ADGRV1: variants seen among roughly 807,000 people sequenced by gnomAD.
ADGRV1 encodes G-protein coupled receptor 98.
Under a neutral mutation model 596.2 loss-of-function variants are expected in ADGRV1, and 359 were observed. That is an observed-to-expected ratio of 0.60 (90% CI 0.55 to 0.66). The LOEUF (loss-of-function observed/expected upper bound fraction) is 0.66. Among genes scored for constraint, ADGRV1 ranks in the 30% least tolerant of loss-of-function variants. The pLI is 0.00. For synonymous variants in ADGRV1, 2,681 were observed against 2,679.2 expected, an observed-to-expected ratio of 1.00 and a Z score of -0.02; for missense variants, 7,274 against 7,575.6, an observed-to-expected ratio of 0.96 and a Z score of 1.48.
intron 50 of ADGRV1, among the ~76,000 whole-genome samples, chr5:90,739,718 T>A (rs1447060033): frequency 6.6e-6 from 1 of 152,196 alleles, no homozygotes; most frequent in African/African-American, 2.4e-5. Flanking sequence ...GGGATCTATA[T>A]CTGCACAGGG....
At chr5:90,920,831 C>T (rs922792334) in intron 83 of ADGRV1, among the ~76,000 whole-genome samples, 3 of 152,182 alleles carry the variant, frequency 2.0e-5, no homozygotes, top group African/African-American at 7.2e-5. Flanking sequence ...TAAAATTCCT[C>T]TTCTAAATGT....
intron 34 of ADGRV1, among the ~76,000 whole-genome samples, chr5:90,703,353 T>C (rs1748155179): frequency 6.6e-6 from 1 of 152,126 alleles, no homozygotes; most frequent in African/African-American, 2.4e-5. Flanking sequence ...TTTTCTTTAA[T>C]TTACAGAACA....
At chr5:90,952,041 C>T (rs1777103569) in intron 83 of ADGRV1, among the ~76,000 whole-genome samples, 1 of 152,170 alleles carries the variant, frequency 6.6e-6, no homozygotes, top group African/African-American at 2.4e-5. Context: ...ACTGGAATTT[C>T]TACAGATGTA....
At chr5:90,748,817 T>TTG in intron 52 of ADGRV1, among the ~76,000 whole-genome samples, 2 of 151,220 alleles carry the variant, frequency 1.3e-5, no homozygotes, top group South Asian at 4.2e-4. Context: ...CATCAAGTTT[T>TTG]TTTTTGTTTT....
chr5:90,975,848 TATA>T (rs1779524764), intron 84 of ADGRV1, among the ~76,000 whole-genome samples: 1 of 114,204 alleles, frequency 8.8e-6, no homozygotes, highest in Non-Finnish European at 1.7e-5. Flanking sequence ...AACTTAAAAG[TATA>T]ATAATAAAAA....
At chr5:91,028,171 T>A (rs1218565318) in intron 85 of ADGRV1, among the ~76,000 whole-genome samples, 1 of 152,050 alleles carries the variant, frequency 6.6e-6, no homozygotes, top group Non-Finnish European at 1.5e-5. Context: ...TGAATCCTCC[T>A]TTGGGGTCGT....
intron 64 of ADGRV1, chr5:90,779,359 A>T (rs913133807): frequency 1.8e-5 from 4 of 223,702 alleles, no homozygotes; most frequent in African/African-American, 2.3e-5. Flanking sequence ...GTAGCCAGGA[A>T]GTTGAATATG....
At chr5:90,875,301 A>T (rs1215627206) in intron 83 of ADGRV1, among the ~76,000 whole-genome samples, 1 of 152,256 alleles carries the variant, frequency 6.6e-6, no homozygotes, top group Non-Finnish European at 1.5e-5. Context: ...TATAATTTAG[A>T]TGTGTTCAAT....
At chr5:90,680,553 T>C (rs1744806079) in intron 26 of ADGRV1, among the ~76,000 whole-genome samples, 1 of 152,182 alleles carries the variant, frequency 6.6e-6, no homozygotes, top group African/African-American at 2.4e-5. Context: ...ATTTGTTTCT[T>C]GAAGAAGAGC....
intron 86 of ADGRV1, among the ~76,000 whole-genome samples, chr5:91,082,610 G>A (rs80152215): frequency 1.3e-3 from 199 of 152,222 alleles, no homozygotes; most frequent in Non-Finnish European, 2.5e-3. Flanking sequence ...TTTTTAAAAT[G>A]TATCTCTCTA....
intron 83 of ADGRV1, among the ~76,000 whole-genome samples, chr5:90,871,537 T>G (rs1298296298): frequency 6.6e-6 from 1 of 152,172 alleles, no homozygotes; most frequent in African/African-American, 2.4e-5. Context: ...GTGAGTAATA[T>G]TCTGAATGAG....
intron 75 of ADGRV1, among the ~76,000 whole-genome samples, chr5:90,823,034 G>A (rs1327395516): frequency 6.6e-6 from 1 of 152,210 alleles, no homozygotes; most frequent in Non-Finnish European, 1.5e-5. Context: ...TCTGGGCTGA[G>A]ATGATGGGGT....
At chr5:90,817,868 T>A (rs534471560) in intron 75 of ADGRV1, among the ~76,000 whole-genome samples, 2 of 152,298 alleles carry the variant, frequency 1.3e-5, no homozygotes, top group East Asian at 3.9e-4. Context: ...GCTTTGTTCT[T>A]TTGGCTTAGG....
intron 42 of ADGRV1, 53 bp from the exon 43 acceptor site, chr5:90,716,414 A>C: frequency 3.0e-6 from 4 of 1,322,242 alleles, no homozygotes; most frequent in Non-Finnish European, 4.1e-6. Flanking sequence ...TTTTTTCAGC[A>C]TTTATAACCT....
chr5:91,035,559 A>C (rs747571244), intron 85 of ADGRV1, among the ~76,000 whole-genome samples: 3 of 152,018 alleles, frequency 2.0e-5, no homozygotes, highest in Non-Finnish European at 4.4e-5. Context: ...GCAAACTATT[A>C]GTTTATATTT....
intron 75 of ADGRV1, among the ~76,000 whole-genome samples, chr5:90,823,018 G>A (rs146503196): frequency 0.019 from 2,932 of 152,272 alleles, 100 homozygotes; most frequent in African/African-American, 0.068. Flanking sequence ...ATCAGCTTAA[G>A]GAGATTCTGG....
intron 70 of ADGRV1, among the ~76,000 whole-genome samples, chr5:90,799,605 G>C (rs1171260059): frequency 2.0e-5 from 3 of 152,110 alleles, no homozygotes; most frequent in Admixed American, 6.5e-5. Flanking sequence ...AACCAAAAAA[G>C]AGCCCGCATT....
chr5:90,653,674 C>G lies in ADGRV1; in HGVS notation c.4100C>G (p.Thr1367Arg). The change falls in exon 20 of 90, where the codon ACG (threonine) becomes AGG (arginine). Residue 1367 changes from threonine (T) to arginine (R), a missense_variant. This residue lies in a region of ADGRV1 where 1,715 missense variants were observed against 1,708.8 expected (regional missense o/e 1.00). Transcript: ENST00000405460. ...GCTTGGGTAATGCCCAATGCCAATA[C>G]GAATGGATTCATTATAGCGAAGGAT... ...FSAWVMPNANTNGFIIAKDDG... is the reference protein window; with the variant it reads ...FSAWVMPNANRNGFIIAKDDG... 1 of 1,613,242 alleles carries G rather than the reference C, an allele frequency of 6.2e-7. No homozygotes were observed. Among genetic ancestry groups the G allele is most frequent in the Non-Finnish European group, 8.5e-7 (1 of 1,179,620 alleles).
In ADGRV1 at chr5:91,163,998, G is replaced by A. The variant is rs765415452; in HGVS notation, c.*98G>A. The A allele has an allele frequency of 1.3e-4, 91 of 711,860 alleles. No homozygotes were observed. The East Asian group carries it at 2.4e-3, about 19-fold the overall frequency. The allele number at this position is 711,860 out of a possible 1,614,324, so 44.1% of individuals were successfully genotyped here. A position where few individuals can be genotyped will look rare whatever the true frequency, so the allele number is the denominator to read the frequency against. On this transcript the variant is annotated 3_prime_UTR_variant, in exon 90 of 90. Coordinates refer to ENST00000405460, the MANE Select transcript of ADGRV1 (RefSeq NM_032119.4). ...ATCCACCTGTGTAATAGGAACCTGT[G>A]AATTGTACTGGATGATTAATACAAA... is the stretch of plus-strand genomic sequence containing the variant.
Sources: gnomAD v4.1 joint callset for allele counts (sites outside exome capture counted in the v4.1 genomes callset) on GRCh38, gnomAD v4.1.1 for gene constraint, gnomAD v4.1.1 regional missense constraint, MANE v1.5 for transcripts, NCBI Gene and HGNC (gene_info 2026-07-23, HGNC 2026-07-21) for gene names.